Variants in SAMD12 observed in about 807,000 individuals in gnomAD.
The protein encoded by SAMD12 is sterile alpha motif domain-containing protein 12.
Under a neutral mutation model 15.0 loss-of-function variants are expected in SAMD12, and 9 were observed. The observed-to-expected ratio is 0.60, with a 90% CI of 0.36 to 1.05. The LOEUF is 1.05. Among genes scored for constraint, SAMD12 ranks in the 50% least tolerant of loss-of-function variants. The probability of loss-of-function intolerance (pLI) is 0.01; values close to 1 mark genes in which losing one functional copy is unlikely to be tolerated. For synonymous variants in SAMD12, 86 were observed against 90.1 expected, an observed-to-expected ratio of 0.96 and a Z score of 0.25; for missense variants, 230 against 234.2, an observed-to-expected ratio of 0.98 and a Z score of 0.12.
chr8:118,271,994 T>C (rs1038343999), intron 4 of SAMD12, among the ~76,000 whole-genome samples: 1 of 152,166 alleles, frequency 6.6e-6, no homozygotes, highest in Non-Finnish European at 1.5e-5. Flanking sequence ...ACAGTGCCCC[T>C]CTACTCATAG....
At position 118,463,795 on chromosome 8, in the gene SAMD12, G is replaced by A. The variant is rs146127159; in HGVS notation, c.193-23834C>T. The stretch of plus-strand genomic sequence containing the variant: ...AATGTGGTCAAATGGCTTCAGCTGG[G>A]GGGGATCAGACGGCCTTCAGCACAA... On this transcript the variant is annotated intron_variant, in intron 2 of 3. Transcript: ENST00000314727. Among the ~76,000 whole-genome samples the A allele has an allele frequency of 1.3e-3, 204 of 152,084 alleles. 1 individual carries two copies. Among genetic ancestry groups the A allele is most frequent in the African/African-American group, 4.8e-3 (199 of 41,468 alleles).
At chr8:118,450,445 G>A (rs544484086) in intron 2 of SAMD12, among the ~76,000 whole-genome samples, 1 of 152,256 alleles carries the variant, frequency 6.6e-6, no homozygotes, top group African/African-American at 2.4e-5. Context: ...CCACATAGAT[G>A]AGCACACTCT....
At chr8:118,270,668 T>C (rs934763651) in intron 4 of SAMD12, among the ~76,000 whole-genome samples, 1 of 152,198 alleles carries the variant, frequency 6.6e-6, no homozygotes, top group South Asian at 2.1e-4. Flanking sequence ...CAGAACATAA[T>C]GTGTGCTTTT....
At chr8:118,597,564 T>A (rs767206501) in intron 1 of SAMD12, among the ~76,000 whole-genome samples, 22 of 152,096 alleles carry the variant, frequency 1.4e-4, no homozygotes, top group Non-Finnish European at 3.2e-4. Flanking sequence ...TCAGAGCAAA[T>A]CCTGAAGTCT....
At chr8:118,512,474 AT>A (rs1429436139) in intron 2 of SAMD12, among the ~76,000 whole-genome samples, 2 of 152,188 alleles carry the variant, frequency 1.3e-5, no homozygotes, top group Admixed American at 6.5e-5. Context: ...ATTTGAACAT[AT>A]ATCAGCTTGC....
intron 2 of SAMD12, among the ~76,000 whole-genome samples, chr8:118,571,750 A>G (rs922249190): frequency 2.0e-5 from 3 of 152,196 alleles, no homozygotes; most frequent in African/African-American, 7.2e-5. Context: ...CTGAGAACCT[A>G]GATTCCAGAA....
intron 1 of SAMD12, among the ~76,000 whole-genome samples, chr8:118,591,801 C>T (rs1827591128): frequency 6.6e-6 from 1 of 151,992 alleles, no homozygotes; most frequent in Non-Finnish European, 1.5e-5. Flanking sequence ...CACTGACAAG[C>T]TGACTGCATT....
intron 4 of SAMD12, among the ~76,000 whole-genome samples, chr8:118,327,928 C>T (rs184996302): frequency 1.8e-4 from 28 of 152,124 alleles, no homozygotes; most frequent in Non-Finnish European, 4.0e-4. Flanking sequence ...GATCTGTTTT[C>T]GATCTTCAAA....
intron 2 of SAMD12, among the ~76,000 whole-genome samples, chr8:118,556,723 G>C (rs1234052199): frequency 2.0e-5 from 3 of 152,100 alleles, no homozygotes; most frequent in Non-Finnish European, 4.4e-5. Context: ...CCAGTACTTT[G>C]GGAGGCCGAG....
chr8:118,390,870 CTT>C (rs763791311), intron 3 of SAMD12, among the ~76,000 whole-genome samples: 1 of 151,810 alleles, frequency 6.6e-6, no homozygotes, highest in Non-Finnish European at 1.5e-5. Flanking sequence ...TTTTACCTGT[CTT>C]GGGTAAAAAT....
At chr8:118,602,917 A>C (rs1490881407) in intron 1 of SAMD12, among the ~76,000 whole-genome samples, 1 of 152,186 alleles carries the variant, frequency 6.6e-6, no homozygotes, top group East Asian at 1.9e-4. Context: ...TGAAGAGAGG[A>C]GTACACTAAG....
chr8:118,270,196 C>T (rs1813318307), intron 4 of SAMD12, among the ~76,000 whole-genome samples: 1 of 152,116 alleles, frequency 6.6e-6, no homozygotes, highest in Non-Finnish European at 1.5e-5. Flanking sequence ...TCTTTCATAT[C>T]CCTGTTAATA....
At chr8:118,211,683 CT>C (rs139345750) in intron 4 of SAMD12, among the ~76,000 whole-genome samples, 12 of 149,972 alleles carry the variant, frequency 8.0e-5, no homozygotes, top group African/African-American at 2.2e-4. Flanking sequence ...TACAAGTAAG[CT>C]TTTTTTTTTC....
the SAMD12 span, among the ~76,000 whole-genome samples, chr8:118,178,514 G>A: frequency 6.6e-6 from 1 of 151,992 alleles, no homozygotes; most frequent in Admixed American, 6.6e-5. Context: ...CACCCAGGAT[G>A]GAGTGCAGTG....
At chr8:118,356,189 C>G (rs1047840115) in intron 4 of SAMD12, among the ~76,000 whole-genome samples, 5 of 152,138 alleles carry the variant, frequency 3.3e-5, no homozygotes, top group African/African-American at 1.2e-4. Context: ...TAAAAGAAAA[C>G]TTACTTTCAG....
chr8:118,489,683 T>C (rs1295071034), intron 2 of SAMD12, among the ~76,000 whole-genome samples: 3 of 152,228 alleles, frequency 2.0e-5, no homozygotes, highest in African/African-American at 7.2e-5. Flanking sequence ...GATGGATTTA[T>C]AATGCCTCCA....
chr8:118,481,437 A>C (rs1824124534), intron 2 of SAMD12, among the ~76,000 whole-genome samples: 1 of 152,204 alleles, frequency 6.6e-6, no homozygotes, highest in African/African-American at 2.4e-5. Context: ...TGGCTGCTAA[A>C]CTGGTAGGAA....
intron 4 of SAMD12, among the ~76,000 whole-genome samples, chr8:118,370,093 A>G (rs997139849): frequency 3.3e-5 from 5 of 152,194 alleles, no homozygotes; most frequent in African/African-American, 9.6e-5. Flanking sequence ...TACAAGAAGA[A>G]AACAAACAAC....
chr8:118,526,671 G>A (rs1327274537), intron 2 of SAMD12, among the ~76,000 whole-genome samples: 2 of 152,152 alleles, frequency 1.3e-5, no homozygotes, highest in Non-Finnish European at 2.9e-5. Context: ...GGGACAAGGT[G>A]AGGGCACAGT....
Sources: allele counts gnomAD v4.1 joint callset (sites outside exome capture counted in the v4.1 genomes callset), GRCh38; gene constraint gnomAD v4.1.1; transcripts MANE v1.5; gene names NCBI Gene and HGNC (gene_info 2026-07-23, HGNC 2026-07-21).